RPA1: variants seen among roughly 807,000 people sequenced by gnomAD.
The protein encoded by RPA1 is replication protein A1, also known as replication protein A 70 kDa DNA-binding subunit.
In RPA1, 49 loss-of-function variants were observed where a neutral mutation model predicts 83.0. That is an observed-to-expected ratio of 0.59 (90% CI 0.47 to 0.75). The LOEUF is 0.75. Ranked by LOEUF, RPA1 falls within the 30% of genes least tolerant of loss-of-function variation. RPA1 has a pLI of 0.00. For synonymous variants in RPA1, 279 were observed against 281.8 expected (o/e 0.99, Z 0.10); for missense variants, 693 against 776.1 (o/e 0.89, Z 1.27).
intron 14 of RPA1, 47 bp downstream of exon 14, chr17:1,888,898 C>A: frequency 6.4e-7 from 1 of 1,573,894 alleles, no homozygotes; most frequent in South Asian, 1.2e-5. Flanking sequence ...TCACGGAGGC[C>A]CTCCCGTGTG....
chr17:1,842,535 G>A (rs1912090860), intron 1 of RPA1, among the ~76,000 whole-genome samples: 1 of 152,120 alleles, frequency 6.6e-6, no homozygotes, highest in South Asian at 2.1e-4. Flanking sequence ...ATGAGCACTA[G>A]AGGGAAATGA....
In RPA1 at chr17:1,879,008, A is replaced by G. The variant is rs148555139; in HGVS notation, c.706A>G (p.Thr236Ala). ...GCTTCTGCAGGGTGAAATCCGAGCT[A>G]CAGCTTTCAATGAGCAAGTGGACAA... ...LVDESGEIRA[T>A]AFNEQVDKFF... The change falls in exon 9 of 17, where the codon ACA becomes GCA. Residue 236 changes from threonine (T) to alanine (A), a missense_variant. By Grantham distance (58) the Thr-to-Ala change is moderately conservative. Transcript: ENST00000254719. 10 of 1,614,044 alleles carry G rather than the reference A, an allele frequency of 6.2e-6. No homozygotes were observed. The African/African-American group carries it at 9.3e-5, about 15-fold the overall frequency.
At chr17:1,873,554 A>G (rs995034820) in intron 6 of RPA1, among the ~76,000 whole-genome samples, 4 of 152,170 alleles carry the variant, frequency 2.6e-5, no homozygotes, top group African/African-American at 9.7e-5. Context: ...GTTTCTGTGA[A>G]ACTCTCAGGA....
intron 5 of RPA1, among the ~76,000 whole-genome samples, chr17:1,862,194 ATTTTTTT>A (rs57509401): frequency 1.5e-4 from 14 of 93,160 alleles, no homozygotes; most frequent in African/African-American, 3.1e-4. Context: ...CCCCAACCGT[ATTTTTTT>A]TTTTTTTTTT....
chr17:1,830,368 C>A (rs17338515), intron 1 of RPA1, among the ~76,000 whole-genome samples: 4 of 152,190 alleles, frequency 2.6e-5, no homozygotes, highest in African/African-American at 9.7e-5. Flanking sequence ...ACTAAATAAA[C>A]GCTTGCCTTT....
intron 5 of RPA1, among the ~76,000 whole-genome samples, chr17:1,854,833 G>A (rs543295789): frequency 1.2e-4 from 19 of 152,182 alleles, no homozygotes; most frequent in Non-Finnish European, 2.4e-4. Context: ...TACTTCATTA[G>A]CAAAGCAGGC....
chr17:1,868,227 C>T (rs1053550749), intron 5 of RPA1, among the ~76,000 whole-genome samples: 1 of 152,198 alleles, frequency 6.6e-6, no homozygotes, highest in Non-Finnish European at 1.5e-5. Flanking sequence ...TACTTACTCT[C>T]GAATTTCGTT....
rs900464354 is a variant in RPA1, at chr17:1,834,872, AT to A, written c.33+4756del. 6.5e-4 allele frequency among the ~76,000 whole-genome samples: 97 copies of A among 149,926 alleles called. 1 individual carries two copies. The East Asian group carries it at 0.013, about 21-fold the overall frequency. ...TTGTTGCTTTATATACTTACTAGGGATTTTTTTTTTAAAGGGTCTCACTCTG... is the reference window on the plus strand; with the variant it reads ...TTGTTGCTTTATATACTTACTAGGGATTTTTTTTTAAAGGGTCTCACTCTG... On this transcript the variant is annotated intron_variant, in intron 1 of 16. Transcript: ENST00000254719.
intron 1 of RPA1, among the ~76,000 whole-genome samples, chr17:1,830,938 G>C (rs1911540024): frequency 6.6e-6 from 1 of 151,886 alleles, no homozygotes; most frequent in Non-Finnish European, 1.5e-5. Context: ...GCTACTTTTT[G>C]TGTTTTTATT....
intron 1 of RPA1, among the ~76,000 whole-genome samples, chr17:1,834,641 T>A (rs2151265615): frequency 6.6e-6 from 1 of 152,304 alleles, no homozygotes; most frequent in Admixed American, 6.5e-5. Flanking sequence ...ATACATAGCA[T>A]TTGTATCTTA....
rs1443971499 is a variant in RPA1, at chr17:1,877,382, G to A, written c.690+68G>A. The A allele has an allele frequency of 9.5e-5, 130 of 1,367,412 alleles. 1 individual carries two copies. The South Asian group carries it at 1.4e-3, about 14-fold the overall frequency. 84.7% of individuals were successfully genotyped at this position (1,367,412 alleles called of 1,614,324 possible). A position where few individuals can be genotyped will look rare whatever the true frequency, so the allele number is the denominator to read the frequency against. On this transcript the variant is annotated intron_variant, in intron 8 of 16. Transcript: ENST00000254719. ...CGGGAAACAGAAGGCTCAGCTCTGC[G>A]GAGGGCAGTGGGCTCGCTGGGAAAC... is the stretch of plus-strand genomic sequence containing the variant.
In RPA1 at chr17:1,897,061, C is replaced by G. The variant is rs757741227; in HGVS notation, c.1747-10C>G. 2.6e-6 allele frequency: 4 copies of G among 1,560,784 alleles called. No homozygotes were observed. The highest frequency in any genetic ancestry group is 2.7e-5 in the African/African-American group (2 of 73,434). Reference sequence around the variant, plus strand: ...TTCACTGCTCACAAACTACTTCTCCCTTTTTGAAGGACGAGTCTCGAATTA... The same window carrying G: ...TTCACTGCTCACAAACTACTTCTCCGTTTTTGAAGGACGAGTCTCGAATTA... On this transcript the variant is annotated splice_polypyrimidine_tract_variant and intron_variant, in intron 16 of 16. Coordinates refer to ENST00000254719, the MANE Select transcript of RPA1 (RefSeq NM_002945.5).
At chr17:1,847,034 A>G (rs540960066) in intron 4 of RPA1, among the ~76,000 whole-genome samples, 49 of 152,222 alleles carry the variant, frequency 3.2e-4, no homozygotes, top group African/African-American at 1.1e-3. Context: ...TATTTTGCCA[A>G]TCGCTTTTGG....
In RPA1 at chr17:1,898,547, C is replaced by A. The variant is rs956222471; in HGVS notation, c.*1372C>A. 3.3e-5 allele frequency: 5 copies of A among 152,238 alleles called. No individual in the cohort carries two copies. The highest frequency in any genetic ancestry group is 3.2e-3 in the Middle Eastern group (1 of 316). 9.4% of individuals were successfully genotyped at this position (152,238 alleles called of 1,614,324 possible). On this transcript the variant is annotated 3_prime_UTR_variant, in exon 17 of 17. Transcript: ENST00000254719. ...CGGCGGTCACTCTGCAGCCAGAGGA[C>A]CTGCTGTTCATCACTGCACATGCCG...
At chr17:1,891,475 A>G (rs1020012879) in intron 14 of RPA1, among the ~76,000 whole-genome samples, 3 of 106,820 alleles carry the variant, frequency 2.8e-5, no homozygotes, top group African/African-American at 5.3e-5. Flanking sequence ...GCTGGAGTGC[A>G]GTGGCTCGAT....
Position 1,899,408 on chromosome 17 carries a change from A to C in RPA1, c.*2233A>C, listed in dbSNP as rs1914569168. 6.6e-6 allele frequency: 1 copy of C among 152,468 alleles called. No homozygotes were observed. Among genetic ancestry groups the C allele is most frequent in the Non-Finnish European group, 1.5e-5 (1 of 68,044 alleles). The allele number at this position is 152,468 out of a possible 1,614,324, so 9.4% of individuals were successfully genotyped here. A position where few individuals can be genotyped will look rare whatever the true frequency, so the allele number is the denominator to read the frequency against. ...TTAGGCAATTAGGAGAAAAAAATCT[A>C]ATCATTTCGCCTTTATTTCAAGTGG... is the stretch of plus-strand genomic sequence containing the variant. On this transcript the variant is annotated 3_prime_UTR_variant, in exon 17 of 17. Coordinates refer to ENST00000254719, the MANE Select transcript of RPA1 (RefSeq NM_002945.5).
intron 4 of RPA1, among the ~76,000 whole-genome samples, chr17:1,850,864 C>T (rs1912467597): frequency 1.3e-5 from 2 of 152,054 alleles, no homozygotes; most frequent in South Asian, 4.2e-4. Flanking sequence ...TGCGCTCCAG[C>T]CTGGGTGACA....
chr17:1,858,580 C>G, intron 5 of RPA1: 1 of 628,410 alleles, frequency 1.6e-6, no homozygotes, highest in Non-Finnish European at 2.8e-6. Context: ...CCTCCCACAT[C>G]AGCCTCCTGA....
At chr17:1,832,137 C>G (rs1911643164) in intron 1 of RPA1, among the ~76,000 whole-genome samples, 1 of 151,586 alleles carries the variant, frequency 6.6e-6, no homozygotes, top group African/African-American at 2.4e-5. Flanking sequence ...CACCATGTTG[C>G]CCAGGCTGGT....
Sources: allele counts gnomAD v4.1 joint callset (sites outside exome capture counted in the v4.1 genomes callset), GRCh38; gene constraint gnomAD v4.1.1; transcripts MANE v1.5; gene names NCBI Gene and HGNC (gene_info 2026-07-23, HGNC 2026-07-21).